The following STON2 variants were observed in gnomAD, a reference collection of about 807,000 sequenced individuals.
The protein encoded by STON2 is stonin-2.
A neutral mutation model predicts 65.7 loss-of-function variants in STON2; 29 were observed. The ratio of observed to expected loss-of-function variants is 0.44; its 90% CI spans 0.33 to 0.60. The LOEUF is 0.60. Ranked by LOEUF, STON2 falls within the 20% of genes least tolerant of loss-of-function variation. The probability of loss-of-function intolerance (pLI) is 0.03; values close to 1 mark genes in which losing one functional copy is unlikely to be tolerated. For synonymous variants in STON2, 404 were observed against 414.2 expected (o/e 0.98, Z 0.30); for missense variants, 1,054 against 1,118.1 (o/e 0.94, Z 0.82).
Position 81,263,537 on chromosome 14 carries a change from C to CA in STON2, c.*4876dup, listed in dbSNP as rs59359589. ...TGGGTGACAGACTGAGACTCCGTCT[C>CA]AAAAAAAAAAAAAAAAAAAAAAACA... is the stretch of plus-strand genomic sequence containing the variant. On this transcript the variant is annotated 3_prime_UTR_variant, in exon 8 of 8. Coordinates refer to ENST00000614646, the MANE Select transcript of STON2 (RefSeq NM_001394390.1). 33,895 of 80,562 alleles carry CA rather than the reference C, an allele frequency of 0.42. 8,455 individuals carry two copies. Among genetic ancestry groups the CA allele is most frequent in the Non-Finnish European group, 0.49 (22,650 of 46,036 alleles). The allele number at this position is 80,562 out of a possible 1,614,324, so 5.0% of individuals were successfully genotyped here.
At chr14:81,394,126 G>A (rs1205014993) in intron 3 of STON2, among the ~76,000 whole-genome samples, 4 of 152,068 alleles carry the variant, frequency 2.6e-5, no homozygotes, top group African/African-American at 7.2e-5. Flanking sequence ...CAGGGGCAGA[G>A]GTTGCAGTGA....
At chr14:81,296,288 T>C (rs1305861541) in intron 5 of STON2, among the ~76,000 whole-genome samples, 1 of 152,086 alleles carries the variant, frequency 6.6e-6, no homozygotes, top group Non-Finnish European at 1.5e-5. Context: ...TGGTGCTAGA[T>C]AGAGAACGAT....
At chr14:81,303,057 GGGGTGTGTGT>G (rs1170555282) in intron 5 of STON2, among the ~76,000 whole-genome samples, 41 of 51,990 alleles carry the variant, frequency 7.9e-4, no homozygotes, top group East Asian at 2.5e-3. Flanking sequence ...ACATGTGTGG[GGGGTGTGTGT>G]GTGTGTGTGT....
intron 5 of STON2, among the ~76,000 whole-genome samples, chr14:81,282,501 G>A (rs1005816267): frequency 1.3e-5 from 2 of 152,030 alleles, no homozygotes; most frequent in African/African-American, 2.4e-5. Context: ...GCTGTTCTTA[G>A]TACTACTGCT....
intron 5 of STON2, among the ~76,000 whole-genome samples, chr14:81,300,737 C>T (rs1203013038): frequency 6.6e-6 from 1 of 152,130 alleles, no homozygotes; most frequent in East Asian, 1.9e-4. Flanking sequence ...ATGGTAAAAT[C>T]ACATTTAAAA....
intron 1 of STON2, among the ~76,000 whole-genome samples, chr14:81,427,848 C>A (rs186516899): frequency 7.2e-5 from 11 of 152,282 alleles, no homozygotes; most frequent in Admixed American, 5.2e-4. Context: ...GCACAGATAG[C>A]CCCTGTTAAC....
At chr14:81,392,066 G>T (rs1051009814) in intron 3 of STON2, among the ~76,000 whole-genome samples, 7 of 152,182 alleles carry the variant, frequency 4.6e-5, no homozygotes, top group African/African-American at 1.7e-4. Context: ...TAAAATTTAA[G>T]AGGGTGCCAA....
intron 5 of STON2, among the ~76,000 whole-genome samples, chr14:81,321,461 TG>T (rs1280582456): frequency 6.6e-6 from 1 of 151,802 alleles, no homozygotes; most frequent in Non-Finnish European, 1.5e-5. Context: ...GAAGGCTTTT[TG>T]GAGGTGATGC....
intron 4 of STON2, among the ~76,000 whole-genome samples, chr14:81,338,793 G>A (rs1051684638): frequency 7.2e-5 from 11 of 152,190 alleles, no homozygotes; most frequent in African/African-American, 2.7e-4. Flanking sequence ...ACATATTTCA[G>A]TGACCAGAGG....
In STON2 at chr14:81,309,385, ATATC is replaced by A. The variant is rs1896334934; in HGVS notation, c.742+14628_742+14631del. Among the ~76,000 whole-genome samples the A allele has an allele frequency of 1.3e-5, 2 of 152,222 alleles. 1 individual carries two copies. The highest frequency in any genetic ancestry group is 4.1e-4 in the South Asian group (2 of 4,834). ...AATTTGCTAAATCTTGGTTTGAACA[ATATC>A]TATTATATCTTGAATGTATATTTAT... On this transcript the variant is annotated intron_variant, in intron 5 of 7. Transcript: ENST00000614646.
At position 81,356,147 on chromosome 14, in the gene STON2, T is replaced by C. The variant is rs141453158; in HGVS notation, c.571+14841A>G. On this transcript the variant is annotated intron_variant, in intron 4 of 7. Coordinates refer to ENST00000614646, the MANE Select transcript of STON2 (RefSeq NM_001394390.1). ...CAGTATGATATTGCCTGTGGGTTTG[T>C]CATAGATAGCTCTTATTATTTTGAG... 8.8e-3 allele frequency among the ~76,000 whole-genome samples: 1,345 copies of C among 152,344 alleles called. 22 individuals are homozygous for C. The highest frequency in any genetic ancestry group is 0.031 in the African/African-American group (1,281 of 41,566).
intron 5 of STON2, among the ~76,000 whole-genome samples, chr14:81,304,545 A>C (rs534398756): frequency 2.0e-5 from 3 of 152,184 alleles, no homozygotes; most frequent in Non-Finnish European, 2.9e-5. Context: ...CAACATGGTG[A>C]AACCCTGTCT....
intron 2 of STON2, among the ~76,000 whole-genome samples, chr14:81,397,792 T>C (rs981607870): frequency 1.3e-5 from 2 of 152,208 alleles, no homozygotes; most frequent in Non-Finnish European, 2.9e-5. Context: ...AGCACTTTTA[T>C]GTATGAATTC....
In STON2 at chr14:81,370,007, G is replaced by A. The variant is rs533717874; in HGVS notation, c.571+981C>T. 2.0e-5 allele frequency among the ~76,000 whole-genome samples: 3 copies of A among 152,276 alleles called. No individual in the cohort carries two copies. The South Asian group carries it at 6.2e-4, about 32-fold the overall frequency. On this transcript the variant is annotated intron_variant, in intron 4 of 7. Coordinates refer to ENST00000614646, the MANE Select transcript of STON2 (RefSeq NM_001394390.1). ...GCTATAAAGAACCACAGCTTCTGAA[G>A]ACAAAGGGAGTCCATGATAAACTAG...
Position 81,278,694 on chromosome 14 carries a change from G to C in STON2, c.788C>G (p.Ala263Gly), listed in dbSNP as rs146067312. 1.3e-4 allele frequency: 201 copies of C among 1,523,102 alleles called. No individual in the cohort carries two copies. The highest frequency in any genetic ancestry group is 1.8e-4 in the Middle Eastern group (1 of 5,648). 94.3% of individuals were successfully genotyped at this position (1,523,102 alleles called of 1,614,324 possible). A position where few individuals can be genotyped will look rare whatever the true frequency, so the allele number is the denominator to read the frequency against. Reference sequence around the variant, plus strand: ...TGGACTGCTGGCCTGCCAGCTGATGGCCTCCATCTCTACTTCTTCATCTTC... The same window carrying C: ...TGGACTGCTGGCCTGCCAGCTGATGCCCTCCATCTCTACTTCTTCATCTTC... The part of the protein sequence containing the change: ...LQEDEEVEME[A>G]ISWQASSPAM... Residue 263 changes from alanine to glycine, a missense_variant, in exon 6 of 8, where the codon GCC (alanine) becomes GGC (glycine). Transcript: ENST00000614646.
At position 81,278,377 on chromosome 14, in the gene STON2, T is replaced by C; in HGVS notation, c.1105A>G (p.Thr369Ala). The part of the protein sequence containing the change: ...SVTEASPWRA[T>A]NPFLNETLQD... ...AGAGTCTCATTCAGGAAAGGGTTGG[T>C]TGCCCTCCAAGGTGAAGCCTCAGTT... The change falls in exon 6 of 8, where the codon ACC becomes GCC. Residue 369 changes from threonine to alanine, a missense_variant. Thr to Ala is a moderately conservative substitution (Grantham distance 58). Coordinates refer to ENST00000614646, the MANE Select transcript of STON2 (RefSeq NM_001394390.1). The C allele has an allele frequency of 3.1e-6, 5 of 1,614,222 alleles. No homozygotes were observed. Among genetic ancestry groups the C allele is most frequent in the Non-Finnish European group, 4.2e-6 (5 of 1,180,042 alleles).
chr14:81,421,529 T>C (rs898231761), intron 2 of STON2, among the ~76,000 whole-genome samples: 1 of 152,194 alleles, frequency 6.6e-6, no homozygotes, highest in Non-Finnish European at 1.5e-5. Context: ...TGATTAGGCA[T>C]CGCAAGATGG....
intron 1 of STON2, chr14:81,436,269 C>T (rs900688894): frequency 1.3e-4 from 19 of 151,642 alleles, no homozygotes; most frequent in Admixed American, 8.6e-4. Flanking sequence ...ACCTGCGGGG[C>T]CCCTCTTGGG....
intron 4 of STON2, among the ~76,000 whole-genome samples, chr14:81,349,676 C>CA (rs1897950480): frequency 1.3e-5 from 2 of 151,848 alleles, no homozygotes; most frequent in African/African-American, 4.8e-5. Flanking sequence ...GGAGATTTCT[C>CA]AAAAAACTAA....
Sources: allele counts gnomAD v4.1 joint callset (sites outside exome capture counted in the v4.1 genomes callset), GRCh38; gene constraint gnomAD v4.1.1; transcripts MANE v1.5; gene names NCBI Gene and HGNC (gene_info 2026-07-23, HGNC 2026-07-21).